The following MAGI3 variants were observed in gnomAD, a reference collection of about 807,000 sequenced individuals.
The protein encoded by MAGI3 is membrane-associated guanylate kinase, WW and PDZ domain-containing protein 3.
A neutral mutation model predicts 121.8 loss-of-function variants in MAGI3; 43 were observed. The ratio of observed to expected loss-of-function variants is 0.35; its 90% CI spans 0.28 to 0.46. The LOEUF (loss-of-function observed/expected upper bound fraction) is 0.46. MAGI3 is among the 20% of genes least tolerant of loss of function. The probability of loss-of-function intolerance (pLI) is 1.00; values close to 1 mark genes in which losing one functional copy is unlikely to be tolerated. For missense variants in MAGI3, 1,547 were observed against 1,797.3 expected (o/e 0.86, Z 2.52); for synonymous variants, 553 against 639.3 (o/e 0.86, Z 2.04).
chr1:113,405,473 TCAAAAA>T (rs1557737844), intron 1 of MAGI3, among the ~76,000 whole-genome samples: 21 of 21,926 alleles, frequency 9.6e-4, no homozygotes, highest in African/African-American at 4.2e-3. Flanking sequence ...TGAAACTGTC[TCAAAAA>T]AAAAAAAAAA....
intron 19 of MAGI3, among the ~76,000 whole-genome samples, chr1:113,677,894 T>C (rs560523954): frequency 6.6e-6 from 1 of 152,338 alleles, no homozygotes; most frequent in Non-Finnish European, 1.5e-5. Context: ...GTTAAAAGGA[T>C]GTTTACTGGG....
At chr1:113,572,332 T>G (rs1318045091) in intron 2 of MAGI3, among the ~76,000 whole-genome samples, 1 of 152,148 alleles carries the variant, frequency 6.6e-6, no homozygotes, top group Non-Finnish European at 1.5e-5. Flanking sequence ...CGATGTTCAT[T>G]AGGGATATTG....
At chr1:113,584,966 C>CAAT (rs61622151) in intron 3 of MAGI3, among the ~76,000 whole-genome samples, 2,268 of 110,606 alleles carry the variant, frequency 0.021, 218 homozygotes, top group African/African-American at 0.03. Flanking sequence ...GTAGATATTT[C>CAAT]CTTTTTTTTT....
At position 113,563,087 on chromosome 1, in the gene MAGI3, A is replaced by G. The variant is rs186162981; in HGVS notation, c.433+13456A>G. ...ATTCTTAACAGTATTTTAGCAAGTC[A>G]ATATATATAGCAATATGTAAAAGGA... On this transcript the variant is annotated intron_variant, in intron 2 of 20. Transcript: ENST00000307546. Among the ~76,000 whole-genome samples, 5 of 152,344 alleles carry G rather than the reference A, an allele frequency of 3.3e-5. No individual in the cohort carries two copies. The East Asian group carries it at 9.6e-4, about 29-fold the overall frequency.
At chr1:113,581,783 G>A (rs1648043506) in intron 3 of MAGI3, among the ~76,000 whole-genome samples, 2 of 152,150 alleles carry the variant, frequency 1.3e-5, no homozygotes, top group Non-Finnish European at 2.9e-5. Flanking sequence ...CCTTTTCTGG[G>A]CTTAGCGCCC....
chr1:113,517,156 A>G (rs1042297271), intron 1 of MAGI3, among the ~76,000 whole-genome samples: 3 of 151,966 alleles, frequency 2.0e-5, no homozygotes, highest in African/African-American at 4.8e-5. Context: ...GGAAATTTGA[A>G]TAAAATATAA....
chr1:113,392,307 A>G (rs1650869460), intron 1 of MAGI3, among the ~76,000 whole-genome samples: 1 of 152,244 alleles, frequency 6.6e-6, no homozygotes, highest in Admixed American at 6.5e-5. Flanking sequence ...TAACATTATT[A>G]GAAACCAAAC....
intron 1 of MAGI3, among the ~76,000 whole-genome samples, chr1:113,482,457 C>G (rs537629844): frequency 1.3e-5 from 2 of 152,008 alleles, no homozygotes; most frequent in Non-Finnish European, 2.9e-5. Flanking sequence ...CCACCTCAGT[C>G]TCCTAAGTAG....
At position 113,451,463 on chromosome 1, in the gene MAGI3, C is replaced by G. The variant is rs1654479309; in HGVS notation, c.316+60114C>G. On this transcript the variant is annotated intron_variant, in intron 1 of 20. Coordinates refer to ENST00000307546, the MANE Select transcript of MAGI3 (RefSeq NM_001142782.2). ...ACACAATATTATATATTTTAAAACTCCCTACATATGCAGTTTTATCACCCT... is the reference window on the plus strand; with the variant it reads ...ACACAATATTATATATTTTAAAACTGCCTACATATGCAGTTTTATCACCCT... Among the ~76,000 whole-genome samples, 9 of 152,068 alleles carry G rather than the reference C, an allele frequency of 5.9e-5. No homozygotes were observed. The South Asian group carries it at 1.9e-3, about 32-fold the overall frequency.
Position 113,685,643 on chromosome 1 carries a change from T to C in MAGI3, c.*1629T>C, listed in dbSNP as rs1648503543. 6.6e-6 allele frequency: 1 copy of C among 152,368 alleles called. No individual in the cohort carries two copies. 9.4% of individuals were successfully genotyped at this position (152,368 alleles called of 1,614,324 possible). On this transcript the variant is annotated 3_prime_UTR_variant, in exon 21 of 21. Coordinates refer to ENST00000307546, the MANE Select transcript of MAGI3 (RefSeq NM_001142782.2). ...TAGTACCACAGAAATTATTTATTATTTTCCCTGTAGTCCACAATTAGTGAT... is the reference window on the plus strand; with the variant it reads ...TAGTACCACAGAAATTATTTATTATCTTCCCTGTAGTCCACAATTAGTGAT...
At chr1:113,487,177 A>C (rs1445382357) in intron 1 of MAGI3, among the ~76,000 whole-genome samples, 1 of 152,238 alleles carries the variant, frequency 6.6e-6, no homozygotes, top group Non-Finnish European at 1.5e-5. Flanking sequence ...CCAAGAATTC[A>C]AGGGAATTAA....
Position 113,642,478 on chromosome 1 carries a change from C to A in MAGI3, c.1928C>A (p.Pro643Gln). The A allele has an allele frequency of 6.2e-7, 1 of 1,613,920 alleles. No individual in the cohort carries two copies. Among genetic ancestry groups the A allele is most frequent in the Non-Finnish European group, 8.5e-7 (1 of 1,179,886 alleles). Reference protein sequence around the residue: ...LQVVEVLKQFPVGADVPLLIL... With the variant: ...LQVVEVLKQFQVGADVPLLIL... The stretch of plus-strand genomic sequence containing the variant: ...GTGGTAGAGGTGCTAAAGCAGTTTC[C>A]AGTAGGTGCTGATGTACCATTGCTT... Residue 643 changes from proline to glutamine, a missense_variant, in exon 10 of 21, where the codon CCA becomes CAA. By Grantham distance (76) the Pro-to-Gln change is moderately conservative. Coordinates refer to ENST00000307546, the MANE Select transcript of MAGI3 (RefSeq NM_001142782.2).
intron 3 of MAGI3, among the ~76,000 whole-genome samples, chr1:113,581,664 C>T (rs541584373): frequency 1.3e-5 from 2 of 152,186 alleles, no homozygotes; most frequent in South Asian, 4.1e-4. Flanking sequence ...TTTCTTCCAC[C>T]CTGCCCATTG....
chr1:113,651,569 T>C (rs1169922055), intron 14 of MAGI3, among the ~76,000 whole-genome samples: 1 of 152,208 alleles, frequency 6.6e-6, no homozygotes, highest in Admixed American at 6.5e-5. Context: ...CTCAGCTCAC[T>C]GCAACCTCCA....
rs2101743973 is a variant in MAGI3 at position 113,596,051 on chromosome 1, AATAC to A, written c.1018+1492_1018+1495del. Among the ~76,000 whole-genome samples, 3 of 151,650 alleles carry A rather than the reference AATAC, an allele frequency of 2.0e-5. 1 individual carries two copies. The South Asian group carries it at 6.3e-4, about 32-fold the overall frequency. On this transcript the variant is annotated intron_variant, in intron 6 of 20. Coordinates refer to ENST00000307546, the MANE Select transcript of MAGI3 (RefSeq NM_001142782.2). Reference sequence around the variant, plus strand: ...GTCTCAAAATACTAATACTAATACTAATACTAATAATAATTGACAAGATATATTC... The same window carrying A: ...GTCTCAAAATACTAATACTAATACTATAATAATAATTGACAAGATATATTC...
intron 1 of MAGI3, among the ~76,000 whole-genome samples, chr1:113,409,565 C>T (rs1470149776): frequency 6.6e-6 from 1 of 151,938 alleles, no homozygotes; most frequent in Non-Finnish European, 1.5e-5. Flanking sequence ...ATCACCTGGG[C>T]CCAGGAGGTC....
At position 113,424,067 on chromosome 1, in the gene MAGI3, G is replaced by A. The variant is rs550056541; in HGVS notation, c.316+32718G>A. On this transcript the variant is annotated intron_variant, in intron 1 of 20. Transcript: ENST00000307546. ...CAAGGATACCCAGTCTGGAGCTGCT[G>A]CTGGGCGGCACCTGCACTAGGGAGT... Among the ~76,000 whole-genome samples, 11 of 152,264 alleles carry A rather than the reference G, an allele frequency of 7.2e-5. No homozygotes were observed. In the South Asian group the frequency reaches 2.3e-3, roughly 32 times the overall value.
intron 16 of MAGI3, among the ~76,000 whole-genome samples, chr1:113,660,063 A>C (rs949451661): frequency 6.6e-6 from 1 of 152,086 alleles, no homozygotes; most frequent in Admixed American, 6.5e-5. Context: ...TTGGTTTCCA[A>C]GTCTTTTATA....
At chr1:113,662,506 G>A (rs1237399999) in intron 16 of MAGI3, among the ~76,000 whole-genome samples, 1 of 152,052 alleles carries the variant, frequency 6.6e-6, no homozygotes, top group Non-Finnish European at 1.5e-5. Context: ...AATTTTAAGA[G>A]TGAACATGAC....
Sources: allele counts gnomAD v4.1 joint callset (sites outside exome capture counted in the v4.1 genomes callset), GRCh38; gene constraint gnomAD v4.1.1; transcripts MANE v1.5; gene names NCBI Gene and HGNC (gene_info 2026-07-23, HGNC 2026-07-21).